Variants in IFIH1 observed in about 807,000 individuals in gnomAD.
IFIH1 encodes interferon-induced helicase C domain-containing protein 1.
IFIH1 carries 125 observed loss-of-function variants against 107.4 expected under a neutral mutation model. The ratio of observed to expected loss-of-function variants is 1.16; its 90% confidence interval spans 1.01 to 1.35. The LOEUF (loss-of-function observed/expected upper bound fraction) is 1.35, where lower values mean the gene tolerates loss of function less well. Ranked by LOEUF, IFIH1 falls within the 40% of genes most tolerant of loss-of-function variation. The pLI is 0.00. For missense variants in IFIH1, 1,333 were observed against 1,213.7 expected (o/e 1.10, Z -1.46); for synonymous variants, 458 against 413.2 (o/e 1.11, Z -1.31).
chr2:162,273,120 TTTAAG>T (rs1482489542), intron 12 of IFIH1, among the ~76,000 whole-genome samples: 1 of 152,198 alleles, frequency 6.6e-6, no homozygotes, highest in African/African-American at 2.4e-5. Flanking sequence ...AAGGATGCAA[TTTAAG>T]TTATTTAAAA....
chr2:162,317,369 C>CA (rs1212567962), intron 1 of IFIH1, among the ~76,000 whole-genome samples: 2 of 152,154 alleles, frequency 1.3e-5, no homozygotes, highest in Non-Finnish European at 2.9e-5. Context: ...TTACTAACCC[C>CA]TGCTCCATGG....
At position 162,281,143 on chromosome 2, in the gene IFIH1, T is replaced by C. The variant is rs114572831; in HGVS notation, c.1524+185A>G. Among the ~76,000 whole-genome samples the C allele has an allele frequency of 4.5e-3, 678 of 152,178 alleles. 8 individuals carry two copies. Among genetic ancestry groups the C allele is most frequent in the African/African-American group, 0.016 (653 of 41,546 alleles). On this transcript the variant is annotated intron_variant, in intron 7 of 15. Transcript: ENST00000649979. ...ATTTTTATGATATGATTTTGTGTTA[T>C]TGATATTTATTAAGGCATATTAGTA...
chr2:162,284,970 G>T (rs1398001783), intron 5 of IFIH1, among the ~76,000 whole-genome samples: 1 of 151,952 alleles, frequency 6.6e-6, no homozygotes, highest in Non-Finnish European at 1.5e-5. Flanking sequence ...AGAACAAAAA[G>T]AAGTTGTCAC....
chr2:162,269,345 C>T (rs1690989735), intron 13 of IFIH1, among the ~76,000 whole-genome samples: 3 of 152,084 alleles, frequency 2.0e-5, no homozygotes, highest in African/African-American at 4.8e-5. Flanking sequence ...AAGCCATCTT[C>T]GACCATGAGA....
chr2:162,278,626 G>A (rs1311474860), intron 8 of IFIH1, among the ~76,000 whole-genome samples: 1 of 152,110 alleles, frequency 6.6e-6, no homozygotes, highest in Non-Finnish European at 1.5e-5. Flanking sequence ...AGGTAACTTA[G>A]AAAACACATA....
In IFIH1 at chr2:162,304,392, G is replaced by A. The variant is rs112789757; in HGVS notation, c.769+2317C>T. ...TGGGAGGATCACTTGCGCCTGGGAG[G>A]TCAAGGCTGCAGTGAGCTGTGTTTG... On this transcript the variant is annotated intron_variant, in intron 3 of 15. Transcript: ENST00000649979. Among the ~76,000 whole-genome samples, 383 of 152,260 alleles carry A rather than the reference G, an allele frequency of 2.5e-3. 5 individuals are homozygous for A. The highest frequency in any genetic ancestry group is 8.6e-3 in the African/African-American group (358 of 41,532).
chr2:162,269,446 C>A (rs1178350311), intron 13 of IFIH1, among the ~76,000 whole-genome samples: 2 of 152,148 alleles, frequency 1.3e-5, no homozygotes, highest in Non-Finnish European at 2.9e-5. Context: ...TAGATTCCTT[C>A]TGTGAGAGAA....
chr2:162,318,141 A>G lies in IFIH1; in HGVS notation c.167T>C (p.Met56Thr). ...GCTCAGCAGCAGTTCAACTGCCTGCATGTTCCCGGAGGTGGCGACTGTCCT... is the reference window on the plus strand; with the variant it reads ...GCTCAGCAGCAGTTCAACTGCCTGCGTGTTCCCGGAGGTGGCGACTGTCCT... ...IQRTVATSGN[M>T]QAVELLLSTL... Residue 56 changes from methionine to threonine, a missense_variant, in exon 1 of 16, where the codon ATG (methionine) becomes ACG (threonine). Transcript: ENST00000649979. 1 of 1,614,212 alleles carries G rather than the reference A, an allele frequency of 6.2e-7. No individual in the cohort carries two copies. The highest frequency in any genetic ancestry group is 1.1e-5 in the South Asian group (1 of 91,086).
At chr2:162,298,660 T>A (rs1027954256) in intron 3 of IFIH1, among the ~76,000 whole-genome samples, 13 of 152,176 alleles carry the variant, frequency 8.5e-5, no homozygotes, top group African/African-American at 3.1e-4. Flanking sequence ...TCAAGTGGGC[T>A]TACACTCATA....
At chr2:162,306,889 T>G in intron 2 of IFIH1, 34 bp from the exon 3 acceptor site, 1 of 1,604,684 alleles carries the variant, frequency 6.2e-7, no homozygotes, top group Non-Finnish European at 8.5e-7. Context: ...CAAATCATAG[T>G]GCCATACAAG....
chr2:162,314,416 T>TTTTCTTTC (rs760939547), intron 1 of IFIH1, among the ~76,000 whole-genome samples: 1,295 of 51,376 alleles, frequency 0.025, 73 homozygotes, highest in Middle Eastern at 0.056. Flanking sequence ...TCTTTCTTTC[T>TTTTCTTTC]TTTCTTTCTT....
At position 162,318,086 on chromosome 2, in the gene IFIH1, A is replaced by T; in HGVS notation, c.222T>A (p.Gly74=). ...GGGCCTCCACGAATTCCCGAGTCCA[A>T]CCAAGGTGCCAGACTCCCTTCTCCA... ...STLEKGVWHL[G]WTREFVEALR... is the part of the protein sequence containing the mutation. The change falls in exon 1 of 16, where the codon GGT becomes GGA. Residue 74 remains glycine, a synonymous_variant. Coordinates refer to ENST00000649979, the MANE Select transcript of IFIH1 (RefSeq NM_022168.4). 3.7e-6 allele frequency: 6 copies of T among 1,614,134 alleles called. No homozygotes were observed. The highest frequency in any genetic ancestry group is 5.1e-6 in the Non-Finnish European group (6 of 1,180,012).
At chr2:162,281,620 T>C (rs1682812037) in intron 6 of IFIH1, 75 bp from the exon 7 acceptor site, 3 of 1,077,806 alleles carry the variant, frequency 2.8e-6, no homozygotes, top group African/African-American at 1.6e-5. Context: ...AGACCAGTAA[T>C]TGAGCTGCCT....
chr2:162,298,575 G>C (rs1165889934), intron 3 of IFIH1, among the ~76,000 whole-genome samples: 1 of 152,000 alleles, frequency 6.6e-6, no homozygotes, highest in Non-Finnish European at 1.5e-5. Flanking sequence ...CTCACGCCTG[G>C]AAGGTCCAAG....
intron 3 of IFIH1, among the ~76,000 whole-genome samples, chr2:162,299,932 C>A (rs1381343473): frequency 6.6e-6 from 1 of 152,132 alleles, no homozygotes; most frequent in Admixed American, 6.6e-5. Flanking sequence ...TGAAATGTTG[C>A]CTGCCACTTC....
chr2:162,291,718 A>G (rs6758639), intron 4 of IFIH1, among the ~76,000 whole-genome samples: 5,209 of 151,942 alleles, frequency 0.034, 438 homozygotes, highest in Admixed American at 0.21. Flanking sequence ...TGCAAATTCT[A>G]TAATACTTTT....
At chr2:162,314,953 A>G (rs995818976) in intron 1 of IFIH1, among the ~76,000 whole-genome samples, 4 of 152,220 alleles carry the variant, frequency 2.6e-5, no homozygotes, top group Non-Finnish European at 2.9e-5. Flanking sequence ...GAATGAATGA[A>G]TAAGTTTTTG....
In IFIH1 at chr2:162,302,584, T is replaced by C. The variant is rs1033756544; in HGVS notation, c.769+4125A>G. On this transcript the variant is annotated intron_variant, in intron 3 of 15. Transcript: ENST00000649979. ...TTTCACATTTACCTTGATTGTTACT[T>C]CTGTCAGAAAATGCCTATGCAGGCA... 1.8e-4 allele frequency among the ~76,000 whole-genome samples: 28 copies of C among 152,252 alleles called. 1 individual carries two copies. The highest frequency in any genetic ancestry group is 6.8e-4 in the African/African-American group (28 of 41,468).
At chr2:162,313,878 C>G (rs1349130288) in intron 1 of IFIH1, among the ~76,000 whole-genome samples, 1 of 151,828 alleles carries the variant, frequency 6.6e-6, no homozygotes, top group Non-Finnish European at 1.5e-5. Flanking sequence ...ATACAATGTT[C>G]CTGGGGAGAT....
Sources: allele counts gnomAD v4.1 joint callset (sites outside exome capture counted in the v4.1 genomes callset), GRCh38; gene constraint gnomAD v4.1.1; transcripts MANE v1.5; gene names NCBI Gene and HGNC (gene_info 2026-07-23, HGNC 2026-07-21).